Variants in SLC24A1 observed in about 807,000 individuals in gnomAD.
The protein encoded by SLC24A1 is solute carrier family 24 member 1.
Under a neutral mutation model 88.1 loss-of-function variants are expected in SLC24A1, and 52 were observed. That is an observed-to-expected ratio of 0.59 (90% CI 0.47 to 0.74). SLC24A1 has a LOEUF of 0.74. SLC24A1 is among the 30% of genes least tolerant of loss of function. The pLI is 0.00. For missense variants in SLC24A1, 1,173 were observed against 1,363.3 expected, an observed-to-expected ratio of 0.86 and a Z score of 2.20; for synonymous variants, 455 against 498.0, an observed-to-expected ratio of 0.91 and a Z score of 1.15.
downstream of SLC24A1, among the ~76,000 whole-genome samples, chr15:65,657,114 G>T (rs1389730716): frequency 1.3e-5 from 2 of 152,128 alleles, no homozygotes; most frequent in East Asian, 1.9e-4. Context: ...CAGGCAATCT[G>T]CCCGCCTCGG....
intron 7 of SLC24A1, 106 bp downstream of exon 7, chr15:65,651,048 C>A (rs776187498): frequency 1.1e-6 from 1 of 906,780 alleles, no homozygotes; most frequent in Non-Finnish European, 1.8e-6. Flanking sequence ...CAGGGACAAC[C>A]AGCTTATCAG....
upstream of SLC24A1, among the ~76,000 whole-genome samples, chr15:65,617,021 A>G (rs1354607054): frequency 6.6e-6 from 1 of 152,172 alleles, no homozygotes; most frequent in Non-Finnish European, 1.5e-5. Context: ...TTTGTCAAAG[A>G]TCAGATGGTT....
At chr15:65,658,598 T>C (rs2141766586), downstream of SLC24A1, among the ~76,000 whole-genome samples, 1 of 152,338 alleles carries the variant, frequency 6.6e-6, no homozygotes, top group South Asian at 2.1e-4. Flanking sequence ...TTTGGAATAT[T>C]TGAAAAATAC....
At position 65,654,722 on chromosome 15, in the gene SLC24A1, TGA is replaced by T. The variant is rs2075618943; in HGVS notation, c.*646_*647del. The T allele has an allele frequency of 5.0e-6, 6 of 1,203,220 alleles. No individual in the cohort carries two copies. The highest frequency in any genetic ancestry group is 6.5e-6 in the Non-Finnish European group (6 of 917,546). The allele number at this position is 1,203,220 out of a possible 1,614,324, so 74.5% of individuals were successfully genotyped here. ...CCAGTATTTTCTTTTTTTTTTTTTT[TGA>T]GACAGAGTTTGGCTCTTGTTGCCCA... On this transcript the variant is annotated 3_prime_UTR_variant, in exon 10 of 10. Transcript: ENST00000261892.
At position 65,625,899 on chromosome 15, in the gene SLC24A1, G is replaced by C; in HGVS notation, c.1819G>C (p.Glu607Gln). 1 of 1,613,976 alleles carries C rather than the reference G, an allele frequency of 6.2e-7. No homozygotes were observed. The highest frequency in any genetic ancestry group is 8.5e-7 in the Non-Finnish European group (1 of 1,179,896). ...VFTMKWNKHI[E>Q]VWVKEQLSRR... ...CACCATGAAGTGGAACAAGCATATC[G>C]AGGTCTGGGTGAAGGAGCAGCTCAG... Residue 607 changes from glutamate (E) to glutamine (Q), a missense_variant, in exon 2 of 10, where the codon GAG (glutamate) becomes CAG (glutamine). By Grantham distance (29) the Glu-to-Gln change is conservative (BLOSUM62 2). Coordinates refer to ENST00000261892, the MANE Select transcript of SLC24A1 (RefSeq NM_004727.3).
At chr15:65,622,926 G>A (rs1470669916) in intron 1 of SLC24A1, among the ~76,000 whole-genome samples, 2 of 151,918 alleles carry the variant, frequency 1.3e-5, no homozygotes, top group Admixed American at 6.6e-5. Flanking sequence ...ATTTTTAGTA[G>A]AGATGGGGTT....
rs16948916 is a variant in SLC24A1 at position 65,651,555 on chromosome 15, T to C, written c.2794-115T>C. On this transcript the variant is annotated intron_variant, in intron 7 of 9. Transcript: ENST00000261892. ...GCTCTCAGGTCAAATGTCTCCATTTTGCCTCCATCACTCTTCCATTAGACC... is the reference window on the plus strand; with the variant it reads ...GCTCTCAGGTCAAATGTCTCCATTTCGCCTCCATCACTCTTCCATTAGACC... 50,076 of 667,368 alleles carry C rather than the reference T, an allele frequency of 0.075. 3,544 individuals are homozygous for C. The highest frequency in any genetic ancestry group is 0.3 in the African/African-American group (16,677 of 55,796). 41.3% of individuals were successfully genotyped at this position (667,368 alleles called of 1,614,324 possible).
At chr15:65,641,928 C>T (rs916324336) in intron 4 of SLC24A1, among the ~76,000 whole-genome samples, 7 of 152,228 alleles carry the variant, frequency 4.6e-5, no homozygotes, top group African/African-American at 1.4e-4. Flanking sequence ...AGCCATGATC[C>T]GGCCCTGCTG....
intron 4 of SLC24A1, among the ~76,000 whole-genome samples, chr15:65,642,230 C>A (rs973787349): frequency 1.3e-5 from 2 of 152,182 alleles, no homozygotes; most frequent in African/African-American, 4.8e-5. Context: ...GATGGCCGTC[C>A]AGATGTTTCC....
chr15:65,655,956 A>G lies in SLC24A1; in HGVS notation c.*1877A>G, dbSNP rs1292191249. ...GATGAAGAGTATGGAATCATGTTCCAATTCTATATTCTTAATTATCCTTAT... is the reference window on the plus strand; with the variant it reads ...GATGAAGAGTATGGAATCATGTTCCGATTCTATATTCTTAATTATCCTTAT... On this transcript the variant is annotated 3_prime_UTR_variant, in exon 10 of 10. Transcript: ENST00000261892. 1.0e-6 allele frequency: 1 copy of G among 985,012 alleles called. No homozygotes were observed. Among genetic ancestry groups the G allele is most frequent in the African/African-American group, 1.7e-5 (1 of 57,186 alleles). 61.0% of individuals were successfully genotyped at this position (985,012 alleles called of 1,614,324 possible).
chr15:65,615,308 A>G (rs916485817), intron 2 of SLC24A1, among the ~76,000 whole-genome samples: 3 of 152,230 alleles, frequency 2.0e-5, no homozygotes, highest in Non-Finnish European at 2.9e-5. Context: ...TCACTCTCTT[A>G]AAACCTTAGT....
At chr15:65,649,787 A>C (rs2075433536) in intron 6 of SLC24A1, among the ~76,000 whole-genome samples, 1 of 152,262 alleles carries the variant, frequency 6.6e-6, no homozygotes, top group Non-Finnish European at 1.5e-5. Context: ...TAGACTCAGC[A>C]ATGCATTGTG....
intron 2 of SLC24A1, among the ~76,000 whole-genome samples, chr15:65,634,606 G>A (rs559178536): frequency 6.6e-6 from 1 of 152,154 alleles, no homozygotes; most frequent in Admixed American, 6.5e-5. Flanking sequence ...CCCAAATGTT[G>A]ACAAACATTC....
In SLC24A1 at chr15:65,655,551, G is replaced by C. The variant is rs1250877397; in HGVS notation, c.*1472G>C. The C allele has an allele frequency of 3.0e-6, 3 of 985,174 alleles. No homozygotes were observed. In the African/African-American group the frequency reaches 5.2e-5, roughly 17 times the overall value. The allele number at this position is 985,174 out of a possible 1,614,324, so 61.0% of individuals were successfully genotyped here. A position where few individuals can be genotyped will look rare whatever the true frequency, so the allele number is the denominator to read the frequency against. On this transcript the variant is annotated 3_prime_UTR_variant, in exon 10 of 10. Coordinates refer to ENST00000261892, the MANE Select transcript of SLC24A1 (RefSeq NM_004727.3). ...CTGCTTTTACTAGAATCAAGTTAAGGGACACGTTAGAAATAGAACAGCTTA... is the reference window on the plus strand; with the variant it reads ...CTGCTTTTACTAGAATCAAGTTAAGCGACACGTTAGAAATAGAACAGCTTA...
chr15:65,630,927 T>C (rs2074701492), intron 2 of SLC24A1, among the ~76,000 whole-genome samples: 1 of 151,930 alleles, frequency 6.6e-6, no homozygotes, highest in Non-Finnish European at 1.5e-5. Flanking sequence ...GCTGACATCA[T>C]GCCACTGCAC....
At chr15:65,658,314 T>C (rs1324820066), downstream of SLC24A1, 2 of 152,236 alleles carry the variant, frequency 1.3e-5, no homozygotes, top group Non-Finnish European at 2.9e-5. Flanking sequence ...CTTAGTCTTA[T>C]ATCCAGACAG....
At position 65,655,857 on chromosome 15, in the gene SLC24A1, G is replaced by T; in HGVS notation, c.*1778G>T. On this transcript the variant is annotated 3_prime_UTR_variant, in exon 10 of 10. Transcript: ENST00000261892. Reference sequence around the variant, plus strand: ...TTTCAATAAACTGTGAATCCCAATGGTATTTTACTTTACAACATGGATGGG... The same window carrying T: ...TTTCAATAAACTGTGAATCCCAATGTTATTTTACTTTACAACATGGATGGG... The T allele has an allele frequency of 2.0e-6, 2 of 984,918 alleles. No homozygotes were observed. The highest frequency in any genetic ancestry group is 4.7e-5 in the South Asian group (1 of 21,246). 61.0% of individuals were successfully genotyped at this position (984,918 alleles called of 1,614,324 possible).
intron 8 of SLC24A1, chr15:65,652,431 A>T (rs2075538381): frequency 2.0e-6 from 1 of 508,270 alleles, no homozygotes; most frequent in African/African-American, 1.9e-5. Context: ...GAAGAGCAAC[A>T]TGGTCCCTGT....
intron 2 of SLC24A1, among the ~76,000 whole-genome samples, chr15:65,628,205 C>T (rs1034157499): frequency 7.9e-5 from 12 of 152,144 alleles, no homozygotes; most frequent in African/African-American, 2.9e-4. Context: ...GTGATCCTCC[C>T]GCCTCAGCTT....
Sources: allele counts gnomAD v4.1 joint callset (sites outside exome capture counted in the v4.1 genomes callset), GRCh38; gene constraint gnomAD v4.1.1; transcripts MANE v1.5; gene names NCBI Gene and HGNC (gene_info 2026-07-23, HGNC 2026-07-21).